Variants in ABLIM3 observed in about 807,000 individuals in gnomAD.
ABLIM3 encodes the protein actin binding LIM protein family member 3.
In ABLIM3, 61 loss-of-function variants were observed where a neutral mutation model predicts 109.5. The observed-to-expected ratio is 0.56, with a 90% confidence interval of 0.45 to 0.69. The LOEUF (loss-of-function observed/expected upper bound fraction) is 0.69, where lower values mean the gene tolerates loss of function less well. Among genes scored for constraint, ABLIM3 ranks in the 30% least tolerant of loss-of-function variants. The probability of loss-of-function intolerance (pLI) is 0.00; values close to 1 mark genes in which losing one functional copy is unlikely to be tolerated. For missense variants in ABLIM3, 796 were observed against 889.5 expected (o/e 0.89, Z 1.34); for synonymous variants, 300 against 324.8 (o/e 0.92, Z 0.82).
intron 2 of ABLIM3, among the ~76,000 whole-genome samples, chr5:149,154,942 T>TGAA (rs1307864210): frequency 6.6e-6 from 1 of 152,200 alleles, no homozygotes; most frequent in African/African-American, 2.4e-5. Context: ...AGAAGGAAAT[T>TGAA]GAAGCCCAGA....
At chr5:149,199,845 A>G (rs1758332661) in intron 4 of ABLIM3, among the ~76,000 whole-genome samples, 2 of 152,250 alleles carry the variant, frequency 1.3e-5, no homozygotes, top group South Asian at 4.1e-4. Flanking sequence ...GAACAAATCC[A>G]GATGAGGAGA....
At chr5:149,250,724 G>A (rs1753839551) in intron 20 of ABLIM3, among the ~76,000 whole-genome samples, 1 of 152,126 alleles carries the variant, frequency 6.6e-6, no homozygotes, top group Admixed American at 6.6e-5. Context: ...GTACTTATTG[G>A]GCAATAACCC....
At chr5:149,253,929 C>T (rs1373818959) in intron 23 of ABLIM3, among the ~76,000 whole-genome samples, 1 of 152,178 alleles carries the variant, frequency 6.6e-6, no homozygotes, top group African/African-American at 2.4e-5. Context: ...TTCCACATGG[C>T]TGGGGAGTCC....
At chr5:149,142,359 C>A (rs1247823052) in intron 2 of ABLIM3, among the ~76,000 whole-genome samples, 1 of 152,218 alleles carries the variant, frequency 6.6e-6, no homozygotes, top group Non-Finnish European at 1.5e-5. Flanking sequence ...TGCTCGTCTC[C>A]TTCTAGCACT....
chr5:149,244,776 G>A (rs550721939), intron 15 of ABLIM3, 105 bp from the exon 16 acceptor site: 20 of 1,425,912 alleles, frequency 1.4e-5, no homozygotes, highest in African/African-American at 4.2e-5. Context: ...ATCTTGAAGT[G>A]GACTCACTCC....
intron 5 of ABLIM3, among the ~76,000 whole-genome samples, chr5:149,204,287 G>C (rs1016575832): frequency 2.0e-5 from 3 of 152,192 alleles, no homozygotes; most frequent in African/African-American, 7.2e-5. Context: ...AACATATGGA[G>C]GAGTGGACAG....
chr5:149,244,785 C>G (rs1033705988), intron 15 of ABLIM3, 96 bp from the exon 16 acceptor site: 52 of 1,512,914 alleles, frequency 3.4e-5, no homozygotes, highest in Non-Finnish European at 4.6e-5. Context: ...TGGACTCACT[C>G]CCCTGGGCTG....
At chr5:149,158,127 G>A (rs1407145552) in intron 2 of ABLIM3, among the ~76,000 whole-genome samples, 1 of 152,132 alleles carries the variant, frequency 6.6e-6, no homozygotes, top group Non-Finnish European at 1.5e-5. Context: ...ATAATTACAG[G>A]TCATTTGCTG....
chr5:149,142,259 T>G, intron 2 of ABLIM3, 151 bp downstream of exon 2: 1 of 1,116,644 alleles, frequency 9.0e-7, no homozygotes, highest in Non-Finnish European at 1.3e-6. Context: ...TCCGTGCTCC[T>G]TGGCAGAGGG....
chr5:149,215,304 G>A (rs114151356), intron 7 of ABLIM3, among the ~76,000 whole-genome samples: 2 of 152,154 alleles, frequency 1.3e-5, no homozygotes, highest in Non-Finnish European at 2.9e-5. Context: ...AAAATAGCAG[G>A]CTCCTTCCAA....
At chr5:149,171,180 A>G (rs982853261) in intron 2 of ABLIM3, among the ~76,000 whole-genome samples, 2 of 152,196 alleles carry the variant, frequency 1.3e-5, no homozygotes, top group African/African-American at 2.4e-5. Flanking sequence ...TTAGCATTAG[A>G]GATGCAATAA....
At chr5:149,257,700 A>G (rs772705799) in intron 23 of ABLIM3, among the ~76,000 whole-genome samples, 9 of 152,238 alleles carry the variant, frequency 5.9e-5, no homozygotes, top group Non-Finnish European at 8.8e-5. Context: ...GAAAGAGGGG[A>G]AAATCCACTA....
chr5:149,164,429 GA>G (rs1424458850), intron 2 of ABLIM3, among the ~76,000 whole-genome samples: 1 of 152,132 alleles, frequency 6.6e-6, no homozygotes, highest in Non-Finnish European at 1.5e-5. Flanking sequence ...TAAAACAAAT[GA>G]AAAAGTAGGT....
chr5:149,212,738 G>C (rs1485400455), intron 7 of ABLIM3, among the ~76,000 whole-genome samples: 1 of 152,166 alleles, frequency 6.6e-6, no homozygotes, highest in African/African-American at 2.4e-5. Flanking sequence ...GGGGATGACA[G>C]GGGAAAAAGC....
rs1016064599 is a variant in ABLIM3 at position 149,259,870 on chromosome 5, A to G, written c.*1466A>G. The G allele has an allele frequency of 4.4e-6, 2 of 454,390 alleles. No individual in the cohort carries two copies. The highest frequency in any genetic ancestry group is 3.5e-5 in the Admixed American group (1 of 28,270). 28.1% of individuals were successfully genotyped at this position (454,390 alleles called of 1,614,324 possible). On this transcript the variant is annotated 3_prime_UTR_variant, in exon 24 of 24. Coordinates refer to ENST00000309868, the MANE Select transcript of ABLIM3 (RefSeq NM_014945.5). ...ATGTAGAACTGACTTAAATTGAACAAACCCTCACTGAGCACCTCTGATGTT... is the reference window on the plus strand; with the variant it reads ...ATGTAGAACTGACTTAAATTGAACAGACCCTCACTGAGCACCTCTGATGTT...
At chr5:149,205,329 G>A (rs1244855529) in intron 5 of ABLIM3, among the ~76,000 whole-genome samples, 2 of 152,202 alleles carry the variant, frequency 1.3e-5, no homozygotes, top group East Asian at 3.9e-4. Flanking sequence ...TGATTAAGCA[G>A]AGGAGGGTGC....
chr5:149,178,051 A>G (rs1012579156), intron 2 of ABLIM3, among the ~76,000 whole-genome samples: 2 of 151,734 alleles, frequency 1.3e-5, no homozygotes, highest in African/African-American at 4.8e-5. Flanking sequence ...TGTGCTTCCC[A>G]CCCCTTTCAG....
chr5:149,190,225 G>A (rs186418381), intron 3 of ABLIM3, among the ~76,000 whole-genome samples: 6 of 152,326 alleles, frequency 3.9e-5, no homozygotes, highest in Non-Finnish European at 5.9e-5. Context: ...AAGATAAGGA[G>A]TGATTTGTAA....
chr5:149,160,246 G>A (rs1248017067), intron 2 of ABLIM3, among the ~76,000 whole-genome samples: 1 of 152,092 alleles, frequency 6.6e-6, no homozygotes, highest in African/African-American at 2.4e-5. Context: ...CTTGAGGTCA[G>A]GAGTTCGAGA....
Sources: gnomAD v4.1 joint callset for allele counts (sites outside exome capture counted in the v4.1 genomes callset) on GRCh38, gnomAD v4.1.1 for gene constraint, MANE v1.5 for transcripts, NCBI Gene and HGNC (gene_info 2026-07-23, HGNC 2026-07-21) for gene names.